FANCA: variants seen among roughly 807,000 people sequenced by gnomAD.
FANCA encodes Fanconi anemia group A protein.
In FANCA, 236 loss-of-function variants were observed where a neutral mutation model predicts 194.3. The observed-to-expected ratio is 1.21, with a 90% CI of 1.09 to 1.35. The LOEUF (loss-of-function observed/expected upper bound fraction) is 1.35. Ranked by LOEUF, FANCA falls within the 40% of genes most tolerant of loss-of-function variation. The probability of loss-of-function intolerance (pLI) is 0.00; values close to 1 mark genes in which losing one functional copy is unlikely to be tolerated. For missense variants in FANCA, 2,628 were observed against 1,813.9 expected (o/e 1.45, Z -8.15); for synonymous variants, 1,014 against 715.8 (o/e 1.42, Z -6.65).
At chr16:89,813,833 TCC>T (rs751020987) in intron 3 of FANCA, among the ~76,000 whole-genome samples, 4 of 151,400 alleles carry the variant, frequency 2.6e-5, no homozygotes, top group Non-Finnish European at 5.9e-5. Context: ...TGTGTGTGTG[TCC>T]GTGTGCACGT....
chr16:89,785,250 C>CA (rs2039858998), intron 14 of FANCA, among the ~76,000 whole-genome samples: 2 of 152,190 alleles, frequency 1.3e-5, no homozygotes, highest in Admixed American at 6.6e-5. Flanking sequence ...GAAGAGATAT[C>CA]TAAAAGTTAT....
chr16:89,757,387 T>C (rs1467495360), intron 30 of FANCA, among the ~76,000 whole-genome samples: 1 of 152,148 alleles, frequency 6.6e-6, no homozygotes, highest in Non-Finnish European at 1.5e-5. Flanking sequence ...CCTCCATACC[T>C]TCTGTGAGCA....
At chr16:89,790,962 G>T in intron 14 of FANCA, 1 of 209,090 alleles carries the variant, frequency 4.8e-6, no homozygotes, top group Non-Finnish European at 9.7e-6. Context: ...CCCGAGTAAC[G>T]AGGACTACAG....
intron 21 of FANCA, among the ~76,000 whole-genome samples, chr16:89,774,034 G>A (rs2039412098): frequency 6.6e-6 from 1 of 152,130 alleles, no homozygotes; most frequent in Non-Finnish European, 1.5e-5. Flanking sequence ...CTCTCAAAGT[G>A]CTGGGATTAC....
At chr16:89,777,884 G>C (rs532433247) in intron 20 of FANCA, among the ~76,000 whole-genome samples, 3 of 151,914 alleles carry the variant, frequency 2.0e-5, no homozygotes, top group Non-Finnish European at 4.4e-5. Context: ...TGATGCAGCC[G>C]GGTGCGGTAG....
chr16:89,816,124 G>T, intron 1 of FANCA, 138 bp from the exon 2 acceptor site: 1 of 716,634 alleles, frequency 1.4e-6, no homozygotes, highest in Non-Finnish European at 2.5e-6. Flanking sequence ...TCCCCAGGGC[G>T]CAGGTCTCGG....
At position 89,773,265 on chromosome 16, in the gene FANCA, C is replaced by T. The variant is rs1258042374; in HGVS notation, c.2014+6G>A. 4 of 1,547,878 alleles carry T rather than the reference C, an allele frequency of 2.6e-6. No homozygotes were observed. In the African/African-American group the frequency reaches 5.5e-5, roughly 21 times the overall value. ...AGACACAGCATGAGCTCCCATCCAT[C>T]CTCACCATCACGCTGGCTGGGGTCT... On this transcript the variant is annotated splice_donor_region_variant and intron_variant, in intron 22 of 42. Transcript: ENST00000389301.
intron 6 of FANCA, 30 bp downstream of exon 6, chr16:89,808,264 A>C: frequency 6.2e-7 from 1 of 1,605,856 alleles, no homozygotes; most frequent in Admixed American, 1.7e-5. Context: ...CTGCAAAAAC[A>C]GTAACACTGA....
At chr16:89,778,705 G>T in intron 20 of FANCA, 96 bp downstream of exon 20, 1 of 1,057,638 alleles carries the variant, frequency 9.5e-7, no homozygotes. Context: ...AAACACAATA[G>T]TGGTCTAACA....
At chr16:89,807,051 T>C (rs1462961563) in intron 6 of FANCA, among the ~76,000 whole-genome samples, 2 of 152,200 alleles carry the variant, frequency 1.3e-5, no homozygotes, top group Non-Finnish European at 2.9e-5. Context: ...TTCTACCCAT[T>C]ACTGAAAGGG....
chr16:89,752,987 C>T (rs917199512), intron 30 of FANCA, among the ~76,000 whole-genome samples: 14 of 152,156 alleles, frequency 9.2e-5, no homozygotes, highest in African/African-American at 3.4e-4. Flanking sequence ...GAGGCCTCAC[C>T]GTCTCCCTGT....
At position 89,799,195 on chromosome 16, in the gene FANCA, C is replaced by G; in HGVS notation, c.864G>C (p.Glu288Asp). 1 of 1,614,150 alleles carries G rather than the reference C, an allele frequency of 6.2e-7. No individual in the cohort carries two copies. The highest frequency in any genetic ancestry group is 8.5e-7 in the Non-Finnish European group (1 of 1,180,036). Reference sequence around the variant, plus strand: ...ACCTCACGATCTTGTGAGTGGAGGACTCCTCCTGTACTCCAGCAGCCAAAG... The same window carrying G: ...ACCTCACGATCTTGTGAGTGGAGGAGTCCTCCTGTACTCCAGCAGCCAAAG... ...LDALAAGVQEESSTHKIVRCW... is the reference protein window; with the variant it reads ...LDALAAGVQEDSSTHKIVRCW... Residue 288 changes from glutamate (E) to aspartate (D), a missense_variant, in exon 10 of 43, where the codon GAG (glutamate) becomes GAC (aspartate). Physicochemically the swap from Glu to Asp is conservative, Grantham distance 45. Transcript: ENST00000389301.
intron 29 of FANCA, among the ~76,000 whole-genome samples, chr16:89,761,214 T>C (rs912083984): frequency 6.6e-6 from 1 of 152,068 alleles, no homozygotes; most frequent in Non-Finnish European, 1.5e-5. Flanking sequence ...GGTCAGGAGA[T>C]TGAGACCACC....
intron 30 of FANCA, among the ~76,000 whole-genome samples, chr16:89,754,796 C>G (rs1423287115): frequency 6.6e-6 from 1 of 152,148 alleles, no homozygotes; most frequent in Non-Finnish European, 1.5e-5. Flanking sequence ...ACAAATGATT[C>G]AAAAGGAAAG....
At chr16:89,760,357 C>T (rs1598094390) in intron 29 of FANCA, among the ~76,000 whole-genome samples, 1 of 152,218 alleles carries the variant, frequency 6.6e-6, no homozygotes, top group Non-Finnish European at 1.5e-5. Flanking sequence ...TTTCCTATTA[C>T]TTCCATTGGT....
intron 27 of FANCA, among the ~76,000 whole-genome samples, chr16:89,766,779 G>C (rs960191973): frequency 3.3e-5 from 5 of 151,990 alleles, no homozygotes; most frequent in African/African-American, 9.7e-5. Flanking sequence ...AGAGGAATAA[G>C]AATTCTTCTT....
chr16:89,806,784 A>G (rs1054759059), intron 6 of FANCA, among the ~76,000 whole-genome samples: 1 of 152,156 alleles, frequency 6.6e-6, no homozygotes, highest in South Asian at 2.1e-4. Flanking sequence ...CTGATTTCGC[A>G]ATCTTTTCCC....
chr16:89,794,289 C>T (rs34689166), intron 11 of FANCA, among the ~76,000 whole-genome samples: 8,992 of 152,204 alleles, frequency 0.059, 407 homozygotes, highest in East Asian at 0.21. Context: ...AGGTGGCTCA[C>T]GCCTGTAATC....
chr16:89,799,135 A>G lies in FANCA; in HGVS notation c.893+31T>C, dbSNP rs1381280284. The G allele has an allele frequency of 1.9e-6, 3 of 1,614,082 alleles. No homozygotes were observed. The East Asian group carries it at 6.7e-5, about 36-fold the overall frequency. ...AATTTGGCAGACACCTCCCTGCTGC[A>G]CACTCAGGCAGGCCACCCTCAGGAA... On this transcript the variant is annotated intron_variant, in intron 10 of 42. Coordinates refer to ENST00000389301, the MANE Select transcript of FANCA (RefSeq NM_000135.4).
Sources: allele counts gnomAD v4.1 joint callset (sites outside exome capture counted in the v4.1 genomes callset), GRCh38; gene constraint gnomAD v4.1.1; transcripts MANE v1.5; gene names NCBI Gene and HGNC (gene_info 2026-07-23, HGNC 2026-07-21).